Variants in SH3PXD2A observed in about 807,000 individuals in gnomAD.
SH3PXD2A encodes the protein SH3 and PX domains 2A, also known as SH3 and PX domain-containing protein 2A.
SH3PXD2A carries 32 observed loss-of-function variants against 115.2 expected under a neutral mutation model. That is an observed-to-expected ratio of 0.28 (90% CI 0.21 to 0.37). The LOEUF is 0.37. Ranked by LOEUF, SH3PXD2A falls within the 10% of genes least tolerant of loss-of-function variation. The pLI is 1.00. For synonymous variants in SH3PXD2A, 610 were observed against 629.1 expected, an observed-to-expected ratio of 0.97 and a Z score of 0.45; for missense variants, 1,328 against 1,498.7, an observed-to-expected ratio of 0.89 and a Z score of 1.88.
chr10:103,673,956 T>A (rs1010393419), intron 6 of SH3PXD2A, among the ~76,000 whole-genome samples: 1 of 152,216 alleles, frequency 6.6e-6, no homozygotes, highest in African/African-American at 2.4e-5. Flanking sequence ...CACCTCCCTG[T>A]CTTCTCCATG....
chr10:103,639,166 C>A (rs554885549), intron 8 of SH3PXD2A, among the ~76,000 whole-genome samples: 3 of 152,170 alleles, frequency 2.0e-5, no homozygotes, highest in South Asian at 4.1e-4. Context: ...GTGGGTGATA[C>A]AATGCTTGCC....
intron 1 of SH3PXD2A, among the ~76,000 whole-genome samples, chr10:103,806,958 A>G (rs1181532265): frequency 6.6e-6 from 1 of 152,178 alleles, no homozygotes; most frequent in Non-Finnish European, 1.5e-5. Context: ...TGGCCCAACC[A>G]GTCCCACCCA....
At chr10:103,831,169 G>A (rs2039479461) in intron 1 of SH3PXD2A, among the ~76,000 whole-genome samples, 1 of 152,142 alleles carries the variant, frequency 6.6e-6, no homozygotes, top group African/African-American at 2.4e-5. Context: ...TTACATAAAT[G>A]GTATCAGAGA....
chr10:103,769,651 C>G (rs374144256), intron 2 of SH3PXD2A, among the ~76,000 whole-genome samples: 9 of 151,972 alleles, frequency 5.9e-5, no homozygotes, highest in Non-Finnish European at 1.2e-4. Context: ...AGACTGGTCT[C>G]GAACTCCTGG....
At chr10:103,738,515 C>A (rs765457465) in intron 3 of SH3PXD2A, among the ~76,000 whole-genome samples, 3 of 151,960 alleles carry the variant, frequency 2.0e-5, no homozygotes, top group African/African-American at 7.3e-5. Context: ...GTGACACCAG[C>A]GGTCCAGCCG....
intron 7 of SH3PXD2A, among the ~76,000 whole-genome samples, chr10:103,667,968 C>A (rs1372178255): frequency 1.3e-5 from 2 of 152,218 alleles, no homozygotes; most frequent in Admixed American, 6.5e-5. Context: ...AGGCCCTAGT[C>A]CCTGAGGGCC....
intron 5 of SH3PXD2A, among the ~76,000 whole-genome samples, chr10:103,701,807 C>A (rs933260550): frequency 7.1e-6 from 1 of 141,180 alleles, no homozygotes; most frequent in Non-Finnish European, 1.5e-5. Flanking sequence ...CTATCTTCAT[C>A]CAGTCATCCA....
chr10:103,651,238 C>T (rs1018110181), intron 8 of SH3PXD2A, among the ~76,000 whole-genome samples: 4 of 152,212 alleles, frequency 2.6e-5, no homozygotes, highest in African/African-American at 9.7e-5. Context: ...CTTGGTGCTG[C>T]CCACCAGGTA....
intron 3 of SH3PXD2A, among the ~76,000 whole-genome samples, chr10:103,739,743 G>A (rs963792099): frequency 2.0e-5 from 3 of 152,178 alleles, no homozygotes; most frequent in South Asian, 4.1e-4. Flanking sequence ...AAGATTGCAC[G>A]GGGCATGAGA....
chr10:103,844,064 T>C (rs1842814431), intron 1 of SH3PXD2A, among the ~76,000 whole-genome samples: 1 of 152,192 alleles, frequency 6.6e-6, no homozygotes, highest in African/African-American at 2.4e-5. Context: ...ATGACTAAAG[T>C]CAGTAATTAA....
chr10:103,626,941 G>A lies in SH3PXD2A; in HGVS notation c.718+148C>T. ...ACTGGGGTGGGAGGTGAGCTTTTGG[G>A]CCAACCTTACTGAGATGGGATCCCA... is the stretch of plus-strand genomic sequence containing the variant. On this transcript the variant is annotated intron_variant, in intron 9 of 14. Transcript: ENST00000369774. The A allele has an allele frequency of 8.4e-6, 5 of 593,632 alleles. 1 individual carries two copies. The South Asian group carries it at 9.9e-5, about 12-fold the overall frequency. The allele number at this position is 593,632 out of a possible 1,614,324, so 36.8% of individuals were successfully genotyped here.
At chr10:103,774,090 T>C (rs929777129) in intron 2 of SH3PXD2A, among the ~76,000 whole-genome samples, 6 of 152,208 alleles carry the variant, frequency 3.9e-5, no homozygotes, top group East Asian at 1.9e-4. Flanking sequence ...AATCTGTAAG[T>C]TGATAATTTT....
chr10:103,612,627 A>G (rs1476732901), intron 12 of SH3PXD2A, among the ~76,000 whole-genome samples: 1 of 152,144 alleles, frequency 6.6e-6, no homozygotes, highest in Non-Finnish European at 1.5e-5. Flanking sequence ...CATGTGATCT[A>G]GCTTCCGTGG....
At chr10:103,700,739 T>C (rs1424925956) in intron 5 of SH3PXD2A, among the ~76,000 whole-genome samples, 1 of 152,196 alleles carries the variant, frequency 6.6e-6, no homozygotes, top group Non-Finnish European at 1.5e-5. Flanking sequence ...TCAGGCCACC[T>C]GAGATCCTGC....
At chr10:103,854,900 GCTCC>G (rs1312355551) in intron 1 of SH3PXD2A, among the ~76,000 whole-genome samples, 3 of 152,140 alleles carry the variant, frequency 2.0e-5, no homozygotes, top group Non-Finnish European at 4.4e-5. Flanking sequence ...GTTGACGAAA[GCTCC>G]CCCCACCATC....
chr10:103,825,688 C>CTTGGCTTAGT (rs2039423229), intron 1 of SH3PXD2A, among the ~76,000 whole-genome samples: 1 of 152,052 alleles, frequency 6.6e-6, no homozygotes, highest in African/African-American at 2.4e-5. Flanking sequence ...CCGGACAGCA[C>CTTGGCTTAGT]TGACACACTT....
chr10:103,773,431 T>C lies in SH3PXD2A; in HGVS notation c.154-6262A>G, dbSNP rs1448217606. Reference sequence around the variant, plus strand: ...AATGATAAGTGTGGTTTTTCTTCTCTTTTCTTTCTTTCTTTTTTTTTTTTT... The same window carrying C: ...AATGATAAGTGTGGTTTTTCTTCTCCTTTCTTTCTTTCTTTTTTTTTTTTT... On this transcript the variant is annotated intron_variant, in intron 2 of 14. Transcript: ENST00000369774. Among the ~76,000 whole-genome samples, 15 of 148,842 alleles carry C rather than the reference T, an allele frequency of 1.0e-4. No homozygotes were observed. The Admixed American group carries it at 1.0e-3, about 10-fold the overall frequency.
At chr10:103,613,322 C>A in intron 11 of SH3PXD2A, 132 bp from the exon 12 acceptor site, 1 of 659,500 alleles carries the variant, frequency 1.5e-6, no homozygotes, top group South Asian at 2.2e-5. Flanking sequence ...GGCAATCCCA[C>A]TACTCTGGAG....
chr10:103,658,187 G>A (rs1473331935), intron 8 of SH3PXD2A, among the ~76,000 whole-genome samples: 1 of 152,218 alleles, frequency 6.6e-6, no homozygotes, highest in Non-Finnish European at 1.5e-5. Context: ...GAGGGGCTCT[G>A]ATGAGCAGGC....
Sources: allele counts gnomAD v4.1 joint callset (sites outside exome capture counted in the v4.1 genomes callset), GRCh38; gene constraint gnomAD v4.1.1; transcripts MANE v1.5; gene names NCBI Gene and HGNC (gene_info 2026-07-23, HGNC 2026-07-21).